Variants in NEAT1 observed in about 807,000 individuals in gnomAD.
NEAT1 encodes nuclear paraspeckle assembly transcript 1, also known as MENepsilon/beta.
At chr11:65,444,685 G>A (rs1856750714) in exon 1 of NEAT1, 1 of 359,582 alleles carries the variant, frequency 2.8e-6, no homozygotes, top group African/African-American at 2.2e-5. Flanking sequence ...GCAAGTACCG[G>A]CTGAGGGTCC....
exon 1 of NEAT1, chr11:65,433,737 T>A (rs969058765): frequency 2.0e-5 from 3 of 151,674 alleles, no homozygotes; most frequent in African/African-American, 7.3e-5. Context: ...TGTGTGTGTA[T>A]ATATATATAT....
chr11:65,437,616 C>T (rs1856673266), exon 1 of NEAT1: 2 of 152,130 alleles, frequency 1.3e-5, no homozygotes, highest in Admixed American at 1.3e-4. Context: ...TTAACCTTCC[C>T]TGTGATGTCT....
chr11:65,444,398 C>T (rs1856746120), exon 1 of NEAT1: 2 of 465,570 alleles, frequency 4.3e-6, no homozygotes, highest in South Asian at 3.1e-5. Context: ...GCACCCAGCT[C>T]TCACCCTGGC....
At chr11:65,438,856 C>T (rs991094532) in exon 1 of NEAT1, 5 of 152,178 alleles carry the variant, frequency 3.3e-5, no homozygotes, top group South Asian at 2.1e-4. Context: ...TGAACAGTTG[C>T]GTACAAGTTT....
chr11:65,429,506 G>A (rs1856595537), exon 1 of NEAT1: 1 of 150,892 alleles, frequency 6.6e-6, no homozygotes, highest in African/African-American at 2.5e-5. Flanking sequence ...GCGTGTGTGT[G>A]TGTGTGTGTG....
chr11:65,437,894 T>A (rs753663705), exon 1 of NEAT1: 1 of 152,178 alleles, frequency 6.6e-6, no homozygotes, highest in African/African-American at 2.4e-5. Context: ...GTTGAAATGC[T>A]CCCGTACACA....
exon 1 of NEAT1, chr11:65,434,275 G>A (rs1212813841): frequency 6.6e-6 from 1 of 152,164 alleles, no homozygotes; most frequent in Non-Finnish European, 1.5e-5. Flanking sequence ...GAGTTGAAAG[G>A]TGACGACAAC....
chr11:65,431,543 G>A (rs931219763), exon 1 of NEAT1: 2 of 152,106 alleles, frequency 1.3e-5, no homozygotes, highest in African/African-American at 2.4e-5. Context: ...CAAGGGTTCC[G>A]AGGTTCCCAC....
exon 1 of NEAT1, chr11:65,426,023 G>A (rs1856557699): frequency 1.3e-5 from 2 of 152,248 alleles, no homozygotes; most frequent in African/African-American, 4.8e-5. Flanking sequence ...GACCTAAAAA[G>A]GGAAGGGGAT....
chr11:65,424,837 C>T (rs1856544655), exon 1 of NEAT1: 1 of 152,112 alleles, frequency 6.6e-6, no homozygotes, highest in South Asian at 2.1e-4. Flanking sequence ...ATAATACTTT[C>T]TTGGCATTCT....
exon 1 of NEAT1, chr11:65,426,342 T>G (rs1469348292): frequency 1.3e-5 from 2 of 152,206 alleles, no homozygotes; most frequent in Non-Finnish European, 2.9e-5. Context: ...AGTGTATTAG[T>G]CACGCATGTA....
At chr11:65,423,171 C>G (rs1565627144) in exon 1 of NEAT1, 1 of 153,462 alleles carries the variant, frequency 6.5e-6, no homozygotes, top group Non-Finnish European at 1.4e-5. Flanking sequence ...GTGGAGGAGT[C>G]AGGAGGAATA....
chr11:65,430,532 A>G (rs1189171957), exon 1 of NEAT1: 2 of 152,234 alleles, frequency 1.3e-5, no homozygotes, highest in Non-Finnish European at 2.9e-5. Flanking sequence ...TGTGGAAAGC[A>G]TAACTTTCAT....
chr11:65,428,683 G>A (rs1856585373), exon 1 of NEAT1: 1 of 152,122 alleles, frequency 6.6e-6, no homozygotes, highest in Non-Finnish European at 1.5e-5. Flanking sequence ...ATGTTCCAAG[G>A]CAGGTGGCTG....
chr11:65,434,868 G>A (rs748789761), exon 1 of NEAT1: 1 of 152,196 alleles, frequency 6.6e-6, no homozygotes, highest in Non-Finnish European at 1.5e-5. Context: ...TATCATGTAT[G>A]CAGTGACCTA....
chr11:65,438,402 G>A (rs1028494556), exon 1 of NEAT1: 1 of 152,012 alleles, frequency 6.6e-6, no homozygotes, highest in African/African-American at 2.4e-5. Context: ...TAAAATTCAT[G>A]CTTTTGAAAT....
exon 1 of NEAT1, chr11:65,428,808 ATAAT>A (rs1856587357): frequency 6.6e-6 from 1 of 152,142 alleles, no homozygotes; most frequent in Non-Finnish European, 1.5e-5. Context: ...TCTCTTTTAA[ATAAT>A]TCTTCATTGA....
chr11:65,443,403 G>A (rs1856733060), exon 1 of NEAT1: 2 of 152,376 alleles, frequency 1.3e-5, no homozygotes, highest in Admixed American at 6.5e-5. Context: ...AAATATCTAT[G>A]AGGGTTATTT....
exon 1 of NEAT1, chr11:65,445,168 GC>G (rs1319885818): frequency 2.0e-5 from 3 of 152,302 alleles, no homozygotes; most frequent in Non-Finnish European, 4.4e-5. Flanking sequence ...AGAAGCTTGT[GC>G]CTCTGCTCGT....
Sources: allele counts gnomAD v4.1 joint callset, GRCh38; gene constraint gnomAD v4.1.1; transcripts MANE v1.5; gene names NCBI Gene and HGNC (gene_info 2026-07-23, HGNC 2026-07-21).